GNG7: variants seen among roughly 807,000 people sequenced by gnomAD.
GNG7 encodes G protein subunit gamma 7, also known as guanine nucleotide-binding protein G(I)/G(S)/G(O) subunit gamma-7.
Under a neutral mutation model 4.0 loss-of-function variants are expected in GNG7, and 1 was observed. The ratio of observed to expected loss-of-function variants is 0.25; its 90% CI spans 0.09 to 1.18. The LOEUF is 1.18. Ranked by LOEUF, GNG7 falls within the 50% of genes most tolerant of loss-of-function variation. The pLI is 0.50. For synonymous variants in GNG7, 34 were observed against 36.9 expected (o/e 0.92, Z 0.29); for missense variants, 86 against 91.9 (o/e 0.94, Z 0.26).
At chr19:2,701,620 T>C (rs1177417714) in intron 1 of GNG7, among the ~76,000 whole-genome samples, 2 of 97,308 alleles carry the variant, frequency 2.1e-5, no homozygotes, top group Admixed American at 1.3e-4. Context: ...ACCAACCCCA[T>C]TCCTCAGTCC....
intron 1 of GNG7, among the ~76,000 whole-genome samples, chr19:2,680,219 C>T (rs1270179799): frequency 6.8e-6 from 1 of 147,116 alleles, no homozygotes; most frequent in Admixed American, 6.9e-5. Context: ...GCGATCTCGG[C>T]TCACCACAAC....
Position 2,513,027 on chromosome 19 carries a change from C to G in GNG7, c.*1995G>C, listed in dbSNP as rs377174635. The stretch of plus-strand genomic sequence containing the variant: ...GGGTAGGGCTCCCCGAAGCCCCAGC[C>G]CTCCCGGACCTGCCGTAGAGAGCTG... On this transcript the variant is annotated 3_prime_UTR_variant, in exon 5 of 5. Coordinates refer to ENST00000382159, the MANE Select transcript of GNG7 (RefSeq NM_052847.3). 65 of 985,468 alleles carry G rather than the reference C, an allele frequency of 6.6e-5. 1 individual carries two copies. The African/African-American group carries it at 1.1e-3, about 16-fold the overall frequency. The allele number at this position is 985,468 out of a possible 1,614,324, so 61.0% of individuals were successfully genotyped here.
In GNG7 at chr19:2,644,382, A is replaced by AG. The variant is rs55936286; in HGVS notation, c.-78+1841_-78+1842insC. ...ATATATATATATATATATATATATA[A>AG]TGCTCTATCTATACATGCATCATGT... On this transcript the variant is annotated intron_variant, in intron 2 of 4. Coordinates refer to ENST00000382159, the MANE Select transcript of GNG7 (RefSeq NM_052847.3). Among the ~76,000 whole-genome samples, 902 of 108,946 alleles carry AG rather than the reference A, an allele frequency of 8.3e-3. 68 individuals carry two copies. The highest frequency in any genetic ancestry group is 0.015 in the Middle Eastern group (3 of 206). The allele number at this position is 108,946 out of a possible 152,430, so 71.5% of individuals were successfully genotyped here. A position where few individuals can be genotyped will look rare whatever the true frequency, so the allele number is the denominator to read the frequency against.
Position 2,611,007 on chromosome 19 carries a change from G to GGC in GNG7, c.-78+35216_-78+35217insGC, listed in dbSNP as rs1555697675. ...GAACGGGCTCACGTGCCAGGCTCGG[G>GGC]GGGGGGGAAGCGTCCTCAACATTCT... is the stretch of plus-strand genomic sequence containing the variant. On this transcript the variant is annotated intron_variant, in intron 2 of 4. Coordinates refer to ENST00000382159, the MANE Select transcript of GNG7 (RefSeq NM_052847.3). The surrounding 1 kb of genome is among the most constrained non-coding windows in gnomAD (Gnocchi z 6.0). 1.9e-5 allele frequency: 2 copies of GGC among 106,294 alleles called. No homozygotes were observed. Among genetic ancestry groups the GGC allele is most frequent in the African/African-American group, 9.4e-5 (2 of 21,352 alleles). 6.6% of individuals were successfully genotyped at this position (106,294 alleles called of 1,614,324 possible). A position where few individuals can be genotyped will look rare whatever the true frequency, so the allele number is the denominator to read the frequency against.
intron 2 of GNG7, among the ~76,000 whole-genome samples, chr19:2,607,446 T>C (rs564077267): frequency 6.7e-6 from 1 of 149,730 alleles, no homozygotes; most frequent in Admixed American, 6.7e-5. Context: ...GGAGAATTGC[T>C]TGAACCTGGG....
In GNG7 at chr19:2,515,043, C is replaced by A. The variant is rs1290872367; in HGVS notation, c.186G>T (p.Lys62Asn). 54 of 1,613,670 alleles carry A rather than the reference C, an allele frequency of 3.3e-5. No homozygotes were observed. In the Admixed American group the frequency reaches 9.0e-4, roughly 27 times the overall value. The change falls in exon 5 of 5, where the codon AAG (lysine) becomes AAT (asparagine). Residue 62 changes from lysine (K) to asparagine (N), a missense_variant. Coordinates refer to ENST00000382159, the MANE Select transcript of GNG7 (RefSeq NM_052847.3). Reference sequence around the variant, plus strand: ...ACAGTTATAAAATAATACAAGGTTTCTTGTCCTTAAAGGGGTTCTCCGAGG... The same window carrying A: ...ACAGTTATAAAATAATACAAGGTTTATTGTCCTTAAAGGGGTTCTCCGAGG... ...VPASENPFKD[K>N]KPCIIL
intron 1 of GNG7, among the ~76,000 whole-genome samples, chr19:2,661,068 G>C (rs10853961): frequency 6.6e-6 from 1 of 150,914 alleles, no homozygotes; most frequent in Admixed American, 6.6e-5. Flanking sequence ...AAAATTAGCC[G>C]GGCGTGGTGG....
chr19:2,620,067 C>T lies in GNG7; in HGVS notation c.-78+26157G>A, dbSNP rs140671744. On this transcript the variant is annotated intron_variant, in intron 2 of 4. Coordinates refer to ENST00000382159, the MANE Select transcript of GNG7 (RefSeq NM_052847.3). ...ACAAAATTAGCCAGGCATGGTGGTG[C>T]GCGCCTGTATTCGCAGCTACTTGGG... Among the ~76,000 whole-genome samples, 1,143 of 151,494 alleles carry T rather than the reference C, an allele frequency of 7.5e-3. 14 individuals are homozygous for T. Among genetic ancestry groups the T allele is most frequent in the African/African-American group, 0.026 (1,071 of 41,220 alleles).
chr19:2,672,147 C>T (rs1255094617), intron 1 of GNG7, among the ~76,000 whole-genome samples: 2 of 151,810 alleles, frequency 1.3e-5, no homozygotes, highest in Non-Finnish European at 2.9e-5. Context: ...AAGCAATTCT[C>T]CTGCCTCAGC....
intron 3 of GNG7, among the ~76,000 whole-genome samples, chr19:2,554,009 A>C (rs1979468275): frequency 6.8e-6 from 1 of 147,092 alleles, no homozygotes; most frequent in Non-Finnish European, 1.5e-5. Context: ...ATATGTATAT[A>C]TTATATGTAT....
chr19:2,568,008 C>T (rs888577792), intron 2 of GNG7, among the ~76,000 whole-genome samples: 4 of 152,136 alleles, frequency 2.6e-5, no homozygotes, highest in Non-Finnish European at 5.9e-5. Flanking sequence ...CACCCAAAAA[C>T]AGAGACACGG....
intron 2 of GNG7, among the ~76,000 whole-genome samples, chr19:2,627,653 C>T (rs931224978): frequency 8.5e-5 from 13 of 152,228 alleles, no homozygotes; most frequent in Admixed American, 6.5e-5. Context: ...TCTGATTCAG[C>T]CGGAATATTA....
At chr19:2,698,927 G>A (rs978464506) in intron 1 of GNG7, among the ~76,000 whole-genome samples, 3 of 152,092 alleles carry the variant, frequency 2.0e-5, no homozygotes, top group Admixed American at 6.6e-5. Flanking sequence ...TAACGGTATC[G>A]GTCAAAGGAT....
At chr19:2,641,097 A>C (rs1325394701) in intron 2 of GNG7, among the ~76,000 whole-genome samples, 1 of 152,226 alleles carries the variant, frequency 6.6e-6, no homozygotes, top group Non-Finnish European at 1.5e-5. Flanking sequence ...CGGGTCCCGC[A>C]GCTGACCCTC....
At chr19:2,545,880 G>A (rs1030478919) in intron 3 of GNG7, among the ~76,000 whole-genome samples, 20 of 152,056 alleles carry the variant, frequency 1.3e-4, no homozygotes, top group African/African-American at 4.8e-4. Context: ...GCTTGAACCC[G>A]GGAGGTAAAG....
At position 2,512,795 on chromosome 19, in the gene GNG7, C is replaced by G; in HGVS notation, c.*2227G>C. The G allele has an allele frequency of 1.7e-6, 1 of 601,960 alleles. No individual in the cohort carries two copies. Among genetic ancestry groups the G allele is most frequent in the Non-Finnish European group, 2.1e-6 (1 of 479,662 alleles). 37.3% of individuals were successfully genotyped at this position (601,960 alleles called of 1,614,324 possible). ...TGTTTGTTCCCAGTTACCAAGATGG[C>G]TTGTTGGAAAGGGTGGAGGCAGGCG... On this transcript the variant is annotated 3_prime_UTR_variant, in exon 5 of 5. Transcript: ENST00000382159. The surrounding 1 kb of genome is among the most constrained non-coding windows in gnomAD (Gnocchi z 4.7).
intron 2 of GNG7, among the ~76,000 whole-genome samples, chr19:2,630,057 G>T (rs1982118846): frequency 6.6e-6 from 1 of 151,648 alleles, no homozygotes; most frequent in South Asian, 2.1e-4. Flanking sequence ...ACATTTAGGT[G>T]TAACTGGGAC....
At chr19:2,554,701 C>T (rs2144762513) in intron 3 of GNG7, among the ~76,000 whole-genome samples, 1 of 151,890 alleles carries the variant, frequency 6.6e-6, no homozygotes, top group South Asian at 2.1e-4. Context: ...ATTACAGGCA[C>T]CTGCCACCAT....
chr19:2,659,610 A>AAAAAAAAAAAGAG (rs5826778), intron 1 of GNG7, among the ~76,000 whole-genome samples: 2 of 121,448 alleles, frequency 1.6e-5, no homozygotes, highest in African/African-American at 6.5e-5. Flanking sequence ...AAAAAAAAAA[A>AAAAAAAAAAAGAG]AGAGAGGAGG....
Sources: gnomAD v4.1 joint callset for allele counts (sites outside exome capture counted in the v4.1 genomes callset) on GRCh38, gnomAD v4.1.1 for gene constraint, Gnocchi (gnomAD v3.1) non-coding constraint, MANE v1.5 for transcripts, NCBI Gene and HGNC (gene_info 2026-07-23, HGNC 2026-07-21) for gene names.